IL1RAPL1: variants seen among roughly 807,000 people sequenced by gnomAD.
IL1RAPL1 encodes interleukin 1 receptor accessory protein like 1, also known as interleukin-1 receptor accessory protein-like 1.
A neutral mutation model predicts 48.4 loss-of-function variants in IL1RAPL1; 3 were observed. The observed-to-expected ratio is 0.06, with a 90% CI of 0.03 to 0.16. The LOEUF is 0.16. IL1RAPL1 is among the 10% of genes least tolerant of loss of function. IL1RAPL1 has a pLI of 1.00. For missense variants in IL1RAPL1, 349 were observed against 530.6 expected (o/e 0.66, Z 3.36); for synonymous variants, 185 against 187.7 (o/e 0.99, Z 0.12).
At chrX:28,597,384 G>A (rs1933966852) in intron 1 of IL1RAPL1, among the ~76,000 whole-genome samples, 1 of 111,444 alleles carries the variant, frequency 9.0e-6, no homozygotes, top group Non-Finnish European at 1.9e-5. Context: ...AGAACCCCAG[G>A]CCTCAAACAG....
At chrX:29,763,400 A>T (rs1402592346) in intron 6 of IL1RAPL1, among the ~76,000 whole-genome samples, 1 of 111,578 alleles carries the variant, frequency 9.0e-6, no homozygotes, top group Non-Finnish European at 1.9e-5. Flanking sequence ...TAATTCGTAT[A>T]TAATGTGTGT....
intron 2 of IL1RAPL1, among the ~76,000 whole-genome samples, chrX:29,074,444 G>A (rs913690414): frequency 1.8e-5 from 2 of 111,305 alleles, no homozygotes; most frequent in African/African-American, 6.5e-5. Flanking sequence ...ATTTGTCCAC[G>A]GTTATTATAA....
chrX:29,806,616 G>A (rs1407188789), intron 6 of IL1RAPL1, among the ~76,000 whole-genome samples: 1 of 110,361 alleles, frequency 9.1e-6, no homozygotes, highest in Non-Finnish European at 1.9e-5. Flanking sequence ...GAGCAGACAA[G>A]CCAAGGGACA....
chrX:29,557,913 A>G (rs189774477), intron 5 of IL1RAPL1, among the ~76,000 whole-genome samples: 19 of 110,946 alleles, frequency 1.7e-4, no homozygotes, highest in African/African-American at 5.9e-4. Context: ...GTGTATATAT[A>G]TCATTTTCTT....
chrX:29,128,346 C>T (rs1364617491), intron 2 of IL1RAPL1, among the ~76,000 whole-genome samples: 1 of 111,077 alleles, frequency 9.0e-6, no homozygotes, highest in African/African-American at 3.3e-5. Flanking sequence ...CTCCTCAATT[C>T]ACACCTCACA....
At chrX:29,910,683 A>G (rs1932749610) in intron 6 of IL1RAPL1, among the ~76,000 whole-genome samples, 1 of 111,908 alleles carries the variant, frequency 8.9e-6, no homozygotes, top group East Asian at 2.8e-4. Flanking sequence ...GATGTTGACA[A>G]TTGCATGCTA....
chrX:28,896,999 A>T (rs1230473934), intron 2 of IL1RAPL1, among the ~76,000 whole-genome samples: 1 of 111,027 alleles, frequency 9.0e-6, no homozygotes, highest in Non-Finnish European at 1.9e-5. Context: ...GTAGAAGAAA[A>T]TAAGGCGTTT....
intron 2 of IL1RAPL1, among the ~76,000 whole-genome samples, chrX:29,240,130 G>T (rs1385591484): frequency 1.0e-5 from 1 of 96,067 alleles, no homozygotes; most frequent in Non-Finnish European, 2.0e-5. Context: ...TTAGGACATG[G>T]ATCTTTTTGT....
intron 8 of IL1RAPL1, among the ~76,000 whole-genome samples, chrX:29,937,310 G>A (rs1005680316): frequency 8.9e-6 from 1 of 112,068 alleles, no homozygotes. Context: ...CAGGCAACTT[G>A]AACTAGAGCT....
intron 5 of IL1RAPL1, among the ~76,000 whole-genome samples, chrX:29,506,438 T>TCTCCTC (rs562607187): frequency 0.33 from 30,101 of 90,465 alleles, 4,247 homozygotes; most frequent in Admixed American, 0.52. Context: ...TCCTTCTCCT[T>TCTCCTC]CTCCTCCTCC....
intron 6 of IL1RAPL1, among the ~76,000 whole-genome samples, chrX:29,687,542 G>A (rs1926657822): frequency 1.8e-5 from 2 of 111,520 alleles, no homozygotes. Context: ...GGTCAATTGG[G>A]TACAAAGCTA....
intron 6 of IL1RAPL1, among the ~76,000 whole-genome samples, chrX:29,812,774 T>G (rs1930406618): frequency 8.9e-6 from 1 of 111,951 alleles, no homozygotes; most frequent in South Asian, 3.7e-4. Context: ...TTTCATAGCC[T>G]AATTTAACTG....
chrX:29,321,562 ATG>A (rs1243347437), intron 3 of IL1RAPL1, among the ~76,000 whole-genome samples: 1 of 111,998 alleles, frequency 8.9e-6, no homozygotes, highest in Non-Finnish European at 1.9e-5. Flanking sequence ...GTGTGTGTGT[ATG>A]TGTGTAGTCG....
At chrX:29,066,400 G>A (rs1927451445) in intron 2 of IL1RAPL1, among the ~76,000 whole-genome samples, 1 of 111,995 alleles carries the variant, frequency 8.9e-6, no homozygotes, top group Non-Finnish European at 1.9e-5. Flanking sequence ...TTCCTCTGCT[G>A]GTATTAGACC....
chrX:29,303,982 T>G (rs913394150), intron 3 of IL1RAPL1, among the ~76,000 whole-genome samples: 2 of 111,671 alleles, frequency 1.8e-5, no homozygotes, highest in Non-Finnish European at 3.8e-5. Context: ...TGTAATTTTA[T>G]TTCTGCCTCA....
In IL1RAPL1 at chrX:28,869,299, G is replaced by A. The variant is rs763712346; in HGVS notation, c.82+79874G>A. ...TCAAATTCATGCAGAGTGGATTGGG[G>A]AGTTTAATTCCTAGCATCTCCTCTT... On this transcript the variant is annotated intron_variant, in intron 2 of 10. Coordinates refer to ENST00000378993, the MANE Select transcript of IL1RAPL1 (RefSeq NM_014271.4). Among the ~76,000 whole-genome samples the A allele has an allele frequency of 1.5e-3, 163 of 112,149 alleles. 1 individual carries two copies. Among genetic ancestry groups the A allele is most frequent in the African/African-American group, 5.1e-3 (158 of 30,980 alleles).
intron 3 of IL1RAPL1, among the ~76,000 whole-genome samples, chrX:29,331,798 C>T (rs999597541): frequency 9.0e-6 from 1 of 111,513 alleles, no homozygotes; most frequent in African/African-American, 3.3e-5. Context: ...GTGGCACAGG[C>T]TTTGAAATCA....
chrX:29,032,392 G>A (rs181389383), intron 2 of IL1RAPL1, among the ~76,000 whole-genome samples: 57 of 111,948 alleles, frequency 5.1e-4, no homozygotes, highest in Admixed American at 8.6e-4. Flanking sequence ...AGCAGAATCC[G>A]TTGAGATGGA....
intron 2 of IL1RAPL1, among the ~76,000 whole-genome samples, chrX:29,081,899 G>A (rs981434800): frequency 7.3e-5 from 8 of 110,286 alleles, no homozygotes; most frequent in Non-Finnish European, 1.5e-4. Flanking sequence ...CATAACTCTA[G>A]TTTGAGGAGT....
Sources: gnomAD v4.1 joint callset for allele counts (sites outside exome capture counted in the v4.1 genomes callset) on GRCh38, gnomAD v4.1.1 for gene constraint, MANE v1.5 for transcripts, NCBI Gene and HGNC (gene_info 2026-07-23, HGNC 2026-07-21) for gene names.